The following SOX5 variants were observed in gnomAD, a reference collection of about 807,000 sequenced individuals.
SOX5 encodes the protein SRY-box transcription factor 5, also known as transcription factor SOX-5.
In SOX5, 9 loss-of-function variants were observed where a neutral mutation model predicts 92.0. The observed-to-expected ratio is 0.10, with a 90% CI of 0.06 to 0.17. The LOEUF (loss-of-function observed/expected upper bound fraction) is 0.17. Among genes scored for constraint, SOX5 ranks in the 10% least tolerant of loss-of-function variants. The pLI is 1.00. For missense variants in SOX5, 642 were observed against 944.5 expected, an observed-to-expected ratio of 0.68 and a Z score of 4.20; for synonymous variants, 344 against 336.3, an observed-to-expected ratio of 1.02 and a Z score of -0.25.
intron 3 of SOX5, among the ~76,000 whole-genome samples, chr12:23,761,100 G>A (rs2094551137): frequency 6.6e-6 from 1 of 151,996 alleles, no homozygotes; most frequent in African/African-American, 2.4e-5. Flanking sequence ...TTGTCTTCTG[G>A]AGGTAACTAG....
intron 3 of SOX5, among the ~76,000 whole-genome samples, chr12:23,836,564 G>GT (rs2096416983): frequency 6.6e-6 from 1 of 151,952 alleles, no homozygotes; most frequent in African/African-American, 2.4e-5. Flanking sequence ...TTTCACCTCA[G>GT]TGGCCTCCTT....
intron 1 of SOX5, among the ~76,000 whole-genome samples, chr12:23,924,365 C>T (rs879933576): frequency 1.2e-4 from 18 of 152,034 alleles, no homozygotes; most frequent in Non-Finnish European, 1.6e-4. Context: ...CAGACTTTAT[C>T]ATCAAGAAAT....
chr12:24,283,508 C>A (rs563459272), intron 2 of SOX5, among the ~76,000 whole-genome samples: 1 of 152,318 alleles, frequency 6.6e-6, no homozygotes, highest in Admixed American at 6.5e-5. Flanking sequence ...ATGCCACCTG[C>A]ACAACCATAC....
At chr12:23,705,964 A>T (rs1425154925) in intron 6 of SOX5, among the ~76,000 whole-genome samples, 2 of 151,688 alleles carry the variant, frequency 1.3e-5, no homozygotes, top group Admixed American at 1.3e-4. Flanking sequence ...GGGAACATTT[A>T]ACATCTTTTT....
chr12:24,299,627 C>G (rs1007167204), intron 2 of SOX5, among the ~76,000 whole-genome samples: 3 of 152,144 alleles, frequency 2.0e-5, no homozygotes, highest in African/African-American at 7.2e-5. Flanking sequence ...AAACACTAGA[C>G]AGTTTATGTG....
chr12:24,146,523 T>C (rs920636034), intron 4 of SOX5, among the ~76,000 whole-genome samples: 3 of 152,056 alleles, frequency 2.0e-5, no homozygotes, highest in African/African-American at 7.2e-5. Context: ...GTCTATACTA[T>C]TTTTTTAAAA....
In SOX5 at chr12:24,216,319, T is replaced by C. The variant is rs1277190206; in HGVS notation, c.-76-2902A>G. ...TAACACGGTGAAACCCCGTGTCTAC[T>C]AAAAATACAAAACATTTAGCCGGGC... On this transcript the variant is annotated intron_variant, in intron 3 of 4. Transcript: ENST00000446891. Among the ~76,000 whole-genome samples the C allele has an allele frequency of 4.6e-5, 7 of 151,796 alleles. No homozygotes were observed. In the East Asian group the frequency reaches 1.4e-3, roughly 30 times the overall value.
intron 2 of SOX5, among the ~76,000 whole-genome samples, chr12:24,315,380 A>C (rs911126043): frequency 1.9e-4 from 29 of 149,182 alleles, no homozygotes; most frequent in African/African-American, 7.0e-4. Flanking sequence ...AAAAAGAAAA[A>C]AGTTAAAGAG....
At chr12:24,058,221 T>TC (rs1958315324) in intron 4 of SOX5, among the ~76,000 whole-genome samples, 1 of 152,180 alleles carries the variant, frequency 6.6e-6, no homozygotes, top group South Asian at 2.1e-4. Context: ...GCAAATGGAG[T>TC]CACTCCATAA....
chr12:23,794,597 C>T lies in SOX5; in HGVS notation c.482-38873G>A, dbSNP rs140050843. Among the ~76,000 whole-genome samples the T allele has an allele frequency of 1.2e-3, 190 of 152,198 alleles. 1 individual carries two copies. Among genetic ancestry groups the T allele is most frequent in the African/African-American group, 2.2e-3 (92 of 41,542 alleles). ...TATCATATAGTAGTCATTTAATCAA[C>T]GTAGCAAAAACAAAAACGCAATGTT... On this transcript the variant is annotated intron_variant, in intron 3 of 14. Transcript: ENST00000451604.
chr12:24,406,948 G>A (rs1255335164), intron 1 of SOX5, among the ~76,000 whole-genome samples: 1 of 152,156 alleles, frequency 6.6e-6, no homozygotes, highest in Non-Finnish European at 1.5e-5. Context: ...CAGGGGTGAT[G>A]GGCAAAAGAG....
intron 3 of SOX5, among the ~76,000 whole-genome samples, chr12:23,822,550 A>G (rs1327772741): frequency 2.0e-5 from 3 of 152,160 alleles, no homozygotes; most frequent in African/African-American, 7.2e-5. Flanking sequence ...TATGTGGTCA[A>G]TTTTAGAATA....
rs556361498 is a variant in SOX5, at chr12:24,266,133, C to T, written c.-77+11083G>A. ...TTCACCATGTTGCCCAGGCTGGTTT[C>T]GAACTCCTGGACTCAAGTGATCCAG... On this transcript the variant is annotated intron_variant, in intron 3 of 4. Transcript: ENST00000446891. 1.9e-3 allele frequency among the ~76,000 whole-genome samples: 287 copies of T among 151,230 alleles called. 2 individuals are homozygous for T. Among genetic ancestry groups the T allele is most frequent in the African/African-American group, 6.5e-3 (269 of 41,162 alleles).
At chr12:24,228,988 A>G (rs73058450) in intron 3 of SOX5, among the ~76,000 whole-genome samples, 4,307 of 152,298 alleles carry the variant, frequency 0.028, 97 homozygotes, top group Non-Finnish European at 0.048. Flanking sequence ...TGCAAGACCC[A>G]TGATTGTCCA....
chr12:23,579,864 C>T (rs904039536), intron 9 of SOX5, among the ~76,000 whole-genome samples: 3 of 152,150 alleles, frequency 2.0e-5, no homozygotes, highest in Middle Eastern at 3.4e-3. Context: ...ATCAACTACA[C>T]CATCAAGCAG....
intron 2 of SOX5, among the ~76,000 whole-genome samples, chr12:23,882,693 ACTATGTTAGGT>A (rs2097009872): frequency 6.6e-6 from 1 of 152,216 alleles, no homozygotes; most frequent in Non-Finnish European, 1.5e-5. Context: ...TACAAAAAGT[ACTATGTTAGGT>A]GATTTTCTCA....
At chr12:23,839,118 G>T (rs914529275) in intron 3 of SOX5, among the ~76,000 whole-genome samples, 1 of 151,814 alleles carries the variant, frequency 6.6e-6, no homozygotes, top group African/African-American at 2.4e-5. Flanking sequence ...CAGAGTGCTG[G>T]GATTACAGGT....
intron 1 of SOX5, among the ~76,000 whole-genome samples, chr12:23,941,971 G>A (rs1170246366): frequency 6.6e-6 from 1 of 150,548 alleles, no homozygotes; most frequent in African/African-American, 2.4e-5. Flanking sequence ...GACCTCAGGA[G>A]AGCAGTGAAA....
At chr12:24,441,755 A>C (rs1330273337) in intron 1 of SOX5, among the ~76,000 whole-genome samples, 1 of 152,112 alleles carries the variant, frequency 6.6e-6, no homozygotes, top group East Asian at 1.9e-4. Flanking sequence ...TCAGCATTTT[A>C]TGCATTGTTA....
Sources: gnomAD v4.1 joint callset for allele counts (sites outside exome capture counted in the v4.1 genomes callset) on GRCh38, gnomAD v4.1.1 for gene constraint, MANE v1.5 for transcripts, NCBI Gene and HGNC (gene_info 2026-07-23, HGNC 2026-07-21) for gene names.